DLL3: variants seen among roughly 807,000 people sequenced by gnomAD.
The protein encoded by DLL3 is delta-like protein 3.
A neutral mutation model predicts 55.0 loss-of-function variants in DLL3; 49 were observed. The observed-to-expected ratio is 0.89, with a 90% CI of 0.71 to 1.13. DLL3 has a LOEUF of 1.13. Ranked by LOEUF, DLL3 falls within the 50% of genes most tolerant of loss-of-function variation. The probability of loss-of-function intolerance (pLI) is 0.00; values close to 1 mark genes in which losing one functional copy is unlikely to be tolerated. For synonymous variants in DLL3, 421 were observed against 385.2 expected, an observed-to-expected ratio of 1.09 and a Z score of -1.09; for missense variants, 962 against 875.5, an observed-to-expected ratio of 1.10 and a Z score of -1.25.
chr19:39,507,821 C>G lies in DLL3; in HGVS notation c.1674-9C>G, dbSNP rs2079653502. On this transcript the variant is annotated splice_polypyrimidine_tract_variant and intron_variant, in intron 7 of 8. Coordinates refer to ENST00000356433, the MANE Select transcript of DLL3 (RefSeq NM_203486.3). Reference sequence around the variant, plus strand: ...AGTCTGAGTTTTTCTTCTTTCTCTCCTCCCACAGCTCGTCCGTAGATTGGA... The same window carrying G: ...AGTCTGAGTTTTTCTTCTTTCTCTCGTCCCACAGCTCGTCCGTAGATTGGA... 3.1e-6 allele frequency: 5 copies of G among 1,614,134 alleles called. No homozygotes were observed. Among genetic ancestry groups the G allele is most frequent in the Non-Finnish European group, 4.2e-6 (5 of 1,180,008 alleles).
intron 3 of DLL3, among the ~76,000 whole-genome samples, chr19:39,501,358 G>T (rs940252843): frequency 1.0e-4 from 15 of 148,336 alleles, no homozygotes; most frequent in East Asian, 1.9e-4. Context: ...CCCGTGGGAT[G>T]TTGGAGCTTC....
intron 6 of DLL3, among the ~76,000 whole-genome samples, chr19:39,506,569 G>T (rs1024775085): frequency 1.3e-5 from 2 of 152,122 alleles, no homozygotes; most frequent in African/African-American, 4.8e-5. Context: ...CTCAGACAGA[G>T]CCCAGGGTGG....
chr19:39,506,495 C>T (rs991513324), intron 6 of DLL3, among the ~76,000 whole-genome samples: 1 of 152,026 alleles, frequency 6.6e-6, no homozygotes, highest in African/African-American at 2.4e-5. Flanking sequence ...GACTCAGCAC[C>T]GACCAGGACA....
intron 6 of DLL3, 109 bp downstream of exon 6, chr19:39,505,560 GA>G (rs752597096): frequency 8.2e-7 from 1 of 1,219,868 alleles, no homozygotes. Context: ...AGGGCCTGGG[GA>G]CCTGACCTTC....
chr19:39,502,694 G>A (rs1600754126), intron 3 of DLL3, 121 bp from the exon 4 acceptor site: 2 of 1,222,874 alleles, frequency 1.6e-6, no homozygotes, highest in East Asian at 3.3e-5. Context: ...AGGACCCCAG[G>A]GCTCCATGAG....
At chr19:39,502,043 C>T (rs1206502551) in intron 3 of DLL3, among the ~76,000 whole-genome samples, 1 of 151,592 alleles carries the variant, frequency 6.6e-6, no homozygotes, top group Non-Finnish European at 1.5e-5. Flanking sequence ...AAAAATTAGC[C>T]GGGCGTGGTG....
intron 3 of DLL3, 92 bp from the exon 4 acceptor site, chr19:39,502,723 G>C (rs1203442597): frequency 1.6e-6 from 2 of 1,271,560 alleles, no homozygotes; most frequent in East Asian, 6.4e-5. Context: ...GGCCTCGCTG[G>C]GAGGGGCGGG....
intron 3 of DLL3, 142 bp from the exon 4 acceptor site, chr19:39,502,673 C>CG: frequency 2.8e-6 from 3 of 1,068,606 alleles, no homozygotes; most frequent in Non-Finnish European, 3.6e-6. Flanking sequence ...CCATTCTACT[C>CG]GCGAGGTCCA....
intron 2 of DLL3, 74 bp downstream of exon 2, chr19:39,499,547 C>T: frequency 2.6e-6 from 4 of 1,528,720 alleles, no homozygotes; most frequent in Non-Finnish European, 3.5e-6. Context: ...CTCCTCTCCC[C>T]TCCAGCTTCC....
At chr19:39,504,410 G>A (rs2079629166) in intron 5 of DLL3, 122 bp downstream of exon 5, 4 of 1,150,782 alleles carry the variant, frequency 3.5e-6, no homozygotes, top group Admixed American at 2.0e-5. Flanking sequence ...TATCAGGGAG[G>A]TCTTCCTGGA....
chr19:39,499,983 G>A (rs972007880), intron 2 of DLL3, among the ~76,000 whole-genome samples: 1 of 151,544 alleles, frequency 6.6e-6, no homozygotes, highest in African/African-American at 2.4e-5. Flanking sequence ...GTATTGCAAT[G>A]CTTGACCCTT....
Position 39,507,639 on chromosome 19 carries a change from C to G in DLL3, c.1673+21C>G, listed in dbSNP as rs374940435. 5.0e-5 allele frequency: 80 copies of G among 1,598,312 alleles called. 1 individual carries two copies. In the African/African-American group the frequency reaches 1.0e-3, roughly 20 times the overall value. On this transcript the variant is annotated intron_variant, in intron 7 of 8. Transcript: ENST00000356433. The stretch of plus-strand genomic sequence containing the variant: ...CCGAGGTGAGGGGCTGCGCCACAGA[C>G]GAACGCCTTGCGCTGCTGGCTGCTT...
Position 39,499,402 on chromosome 19 carries a change from C to T in DLL3, c.280C>T (p.Pro94Ser). 1 of 1,582,236 alleles carries T rather than the reference C, an allele frequency of 6.3e-7. No homozygotes were observed. The highest frequency in any genetic ancestry group is 2.3e-5 in the East Asian group (1 of 43,802). ...SARGPVYTEQ[P>S]GAPAPDLPLP... ...GCGCGGACCGGTCTACACCGAGCAG[C>T]CCGGAGCGCCCGCGCCTGATCTCCC... Residue 94 changes from proline (P) to serine (S), a missense_variant, in exon 2 of 9, where the codon CCC (proline) becomes TCC (serine). Physicochemically the swap from Pro to Ser is moderately conservative, Grantham distance 74 (BLOSUM62 -1). Transcript: ENST00000356433.
rs371433358 is a variant in DLL3 at position 39,507,909 on chromosome 19, C to G, written c.1753C>G (p.Arg585Gly). 2.4e-5 allele frequency: 38 copies of G among 1,614,076 alleles called. No homozygotes were observed. The highest frequency in any genetic ancestry group is 3.2e-5 in the Non-Finnish European group (38 of 1,180,048). ...CATATCTGCTCCTTCCATCTACGCT[C>G]GGGAGGTAGCGACGCCCCTTTTCCC... ...YVISAPSIYA[R>G]EA Residue 585 changes from arginine to glycine, a missense_variant, in exon 8 of 9, where the codon CGG (arginine) becomes GGG (glycine). Arg to Gly is a moderately radical substitution (Grantham distance 125). Transcript: ENST00000356433.
chr19:39,501,733 G>A, intron 3 of DLL3, among the ~76,000 whole-genome samples: 1 of 152,136 alleles, frequency 6.6e-6, no homozygotes, highest in Non-Finnish European at 1.5e-5. Flanking sequence ...TTATGGTCTA[G>A]TAACTGGGGT....
At chr19:39,505,170 G>A (rs955462291) in intron 5 of DLL3, 59 bp from the exon 6 acceptor site, 34 of 1,568,026 alleles carry the variant, frequency 2.2e-5, no homozygotes, top group Non-Finnish European at 2.8e-5. Flanking sequence ...GGACTGAGGA[G>A]GGGGATGGGA....
At chr19:39,505,888 G>A (rs2079637666) in intron 6 of DLL3, among the ~76,000 whole-genome samples, 1 of 152,122 alleles carries the variant, frequency 6.6e-6, no homozygotes, top group Non-Finnish European at 1.5e-5. Context: ...AAGGTTCTGA[G>A]GAGAGAAGAG....
intron 2 of DLL3, among the ~76,000 whole-genome samples, chr19:39,500,262 T>TAAA (rs34900598): frequency 0.27 from 36,308 of 134,606 alleles, 4,992 homozygotes; most frequent in Middle Eastern, 0.35. Flanking sequence ...ACCTCGTTTC[T>TAAA]AAAAAAAAAA....
Position 39,503,954 on chromosome 19 carries a change from A to G in DLL3, c.653-117A>G, listed in dbSNP as rs369943367. 30 of 987,178 alleles carry G rather than the reference A, an allele frequency of 3.0e-5. No individual in the cohort carries two copies. The African/African-American group carries it at 4.7e-4, about 15-fold the overall frequency. 61.2% of individuals were successfully genotyped at this position (987,178 alleles called of 1,614,324 possible). On this transcript the variant is annotated intron_variant, in intron 4 of 8. Coordinates refer to ENST00000356433, the MANE Select transcript of DLL3 (RefSeq NM_203486.3). ...TCTAGTCCCGATGATTATCTGTCAC[A>G]AAGATGAAGCAAGGTGGCTCAGGGA...
Sources: allele counts gnomAD v4.1 joint callset (sites outside exome capture counted in the v4.1 genomes callset), GRCh38; gene constraint gnomAD v4.1.1; transcripts MANE v1.5; gene names NCBI Gene and HGNC (gene_info 2026-07-23, HGNC 2026-07-21).